PTPRZ1: variants seen among roughly 807,000 people sequenced by gnomAD.
PTPRZ1 encodes protein tyrosine phosphatase receptor type Z1.
In PTPRZ1, 82 loss-of-function variants were observed where a neutral mutation model predicts 214.1. That is an observed-to-expected ratio of 0.38 (90% CI 0.32 to 0.46). The LOEUF is 0.46. PTPRZ1 is among the 20% of genes least tolerant of loss of function. The pLI, the probability that PTPRZ1 is intolerant of heterozygous loss-of-function variation, is 1.00. For missense variants in PTPRZ1, 2,603 were observed against 2,748.7 expected, an observed-to-expected ratio of 0.95 and a Z score of 1.19; for synonymous variants, 945 against 987.9, an observed-to-expected ratio of 0.96 and a Z score of 0.81.
chr7:121,913,766 T>C (rs1162856463), intron 1 of PTPRZ1, among the ~76,000 whole-genome samples: 1 of 152,212 alleles, frequency 6.6e-6, no homozygotes, highest in Non-Finnish European at 1.5e-5. Context: ...GTATTGTCAG[T>C]AAAATAGAAT....
At chr7:121,894,733 A>G (rs1794737137) in intron 1 of PTPRZ1, among the ~76,000 whole-genome samples, 1 of 152,040 alleles carries the variant, frequency 6.6e-6, no homozygotes, top group Non-Finnish European at 1.5e-5. Context: ...CCATTCAATC[A>G]TTGCTCTTTT....
intron 1 of PTPRZ1, among the ~76,000 whole-genome samples, chr7:121,876,950 A>G (rs1794081017): frequency 6.6e-6 from 1 of 152,204 alleles, no homozygotes; most frequent in Non-Finnish European, 1.5e-5. Context: ...AGTACTGTCT[A>G]AAGTGAGAGA....
At chr7:121,887,163 C>T (rs1794421905) in intron 1 of PTPRZ1, among the ~76,000 whole-genome samples, 1 of 152,156 alleles carries the variant, frequency 6.6e-6, no homozygotes, top group African/African-American at 2.4e-5. Flanking sequence ...ATGACTGTAT[C>T]TTCAAGGAGT....
chr7:121,914,024 A>G (rs2116318774), intron 1 of PTPRZ1, among the ~76,000 whole-genome samples: 1 of 152,332 alleles, frequency 6.6e-6, no homozygotes, highest in East Asian at 1.9e-4. Flanking sequence ...TAAAAGAAAC[A>G]GAAACCTGGC....
At chr7:121,878,674 G>A (rs538034952) in intron 1 of PTPRZ1, among the ~76,000 whole-genome samples, 6 of 152,204 alleles carry the variant, frequency 3.9e-5, no homozygotes, top group African/African-American at 1.2e-4. Flanking sequence ...CCACTGTATT[G>A]TTTTTCAATT....
intron 13 of PTPRZ1, among the ~76,000 whole-genome samples, chr7:122,025,696 C>A (rs1799190315): frequency 6.6e-6 from 1 of 152,076 alleles, no homozygotes; most frequent in Non-Finnish European, 1.5e-5. Flanking sequence ...AAAGGAGAAG[C>A]TGTGGTGCTA....
chr7:121,966,826 G>T (rs562410509), intron 2 of PTPRZ1: 2 of 152,262 alleles, frequency 1.3e-5, no homozygotes, highest in South Asian at 4.1e-4. Context: ...AAAGAAGACA[G>T]TGTAGACTAG....
rs1435327510 is a variant in PTPRZ1 at position 122,053,993 on chromosome 7, C to G, written c.6336C>G (p.Asp2112Glu). 3.7e-6 allele frequency: 6 copies of G among 1,613,132 alleles called. No individual in the cohort carries two copies. In the African/African-American group the frequency reaches 6.7e-5, roughly 18 times the overall value. ...TIKDFWRMIW[D>E]HNAQLVVMIP... is the part of the protein sequence containing the mutation. ...AGGATTTCTGGAGGATGATATGGGA[C>G]CATAATGCCCAACTGGTGGTTATGA... The change falls in exon 26 of 30, where the codon GAC becomes GAG. Residue 2112 changes from aspartate (D) to glutamate (E), a missense_variant. Asp to Glu is a conservative substitution (Grantham distance 45). Transcript: ENST00000393386.
intron 10 of PTPRZ1, among the ~76,000 whole-genome samples, chr7:121,998,719 A>G (rs1389086374): frequency 6.6e-6 from 1 of 152,152 alleles, no homozygotes; most frequent in African/African-American, 2.4e-5. Context: ...TTGTTAGTGT[A>G]AGCAGTTTTA....
rs58135453 is a variant in PTPRZ1 at position 121,891,451 on chromosome 7, C to CTTTTTTTTTTTTTTTT, written c.58+17909_58+17924dup. On this transcript the variant is annotated intron_variant, in intron 1 of 29. Transcript: ENST00000393386. The stretch of plus-strand genomic sequence containing the variant: ...AAATATTTGTTGAATAAAACAACCT[C>CTTTTTTTTTTTTTTTT]TTTTTTTTTTTTTTTTTTTTTTTTT... Among the ~76,000 whole-genome samples the CTTTTTTTTTTTTTTTT allele has an allele frequency of 3.3e-3, 117 of 35,750 alleles. 2 individuals carry two copies. The highest frequency in any genetic ancestry group is 4.1e-3 in the Non-Finnish European group (80 of 19,372). 23.5% of individuals were successfully genotyped at this position (35,750 alleles called of 152,430 possible). A position where few individuals can be genotyped will look rare whatever the true frequency, so the allele number is the denominator to read the frequency against.
At chr7:121,973,747 A>T (rs1230116333) in intron 4 of PTPRZ1, among the ~76,000 whole-genome samples, 4 of 152,092 alleles carry the variant, frequency 2.6e-5, no homozygotes, top group Admixed American at 2.0e-4. Context: ...CAGCCTGGCC[A>T]ACATGGTGAA....
In PTPRZ1 at chr7:121,964,408, C is replaced by A. The variant is rs548843816; in HGVS notation, c.125-3543C>A. 2.0e-5 allele frequency among the ~76,000 whole-genome samples: 3 copies of A among 152,150 alleles called. No individual in the cohort carries two copies. In the South Asian group the frequency reaches 6.2e-4, roughly 32 times the overall value. On this transcript the variant is annotated intron_variant, in intron 2 of 29. Transcript: ENST00000393386. ...AATCAGAGTCAAGCGAAGGGGGAAG[C>A]CCCTTATAAAACCAGAAGATCTCAT...
At chr7:121,985,288 T>G (rs1797733921) in intron 8 of PTPRZ1, among the ~76,000 whole-genome samples, 1 of 152,158 alleles carries the variant, frequency 6.6e-6, no homozygotes, top group African/African-American at 2.4e-5. Flanking sequence ...AAAAAGAAAG[T>G]GGATTTAACC....
chr7:121,904,217 A>G (rs1343342954), intron 1 of PTPRZ1, among the ~76,000 whole-genome samples: 3 of 152,148 alleles, frequency 2.0e-5, no homozygotes, highest in Non-Finnish European at 4.4e-5. Flanking sequence ...CAAGTAGGGG[A>G]AAACAGAATG....
rs780527840 is a variant in PTPRZ1 at position 122,013,781 on chromosome 7, G to A, written c.4735G>A (p.Asp1579Asn). The change falls in exon 12 of 30, where the codon GAT becomes AAT. Residue 1579 changes from aspartate (D) to asparagine (N), a missense_variant. Around this residue, in one of 6 missense-constraint regions of PTPRZ1, gnomAD observed 1,913 missense variants for 1,914.3 expected, o/e 1.00. Coordinates refer to ENST00000393386, the MANE Select transcript of PTPRZ1 (RefSeq NM_002851.3). ...TGCAGACACTAATGAAAAAGATGCTGATGGGATCCTGGCAGCAGGTGACTC... is the reference window on the plus strand; with the variant it reads ...TGCAGACACTAATGAAAAAGATGCTAATGGGATCCTGGCAGCAGGTGACTC... The part of the protein sequence containing the change: ...SFADTNEKDA[D>N]GILAAGDSEI... The A allele has an allele frequency of 1.4e-5, 23 of 1,614,116 alleles. No individual in the cohort carries two copies.
chr7:121,915,574 A>C (rs542945082), intron 1 of PTPRZ1, among the ~76,000 whole-genome samples: 3 of 152,192 alleles, frequency 2.0e-5, no homozygotes, highest in African/African-American at 7.2e-5. Flanking sequence ...CTTGAATGAC[A>C]TATTAAAGAA....
chr7:122,027,480 A>G (rs1147500), intron 13 of PTPRZ1, among the ~76,000 whole-genome samples: 8,803 of 152,262 alleles, frequency 0.058, 428 homozygotes, highest in African/African-American at 0.13. Flanking sequence ...GTGTCACTAT[A>G]TAAGAACAAA....
At chr7:122,044,703 T>C (rs1241747774) in intron 23 of PTPRZ1, 135 bp downstream of exon 23, 25 of 903,126 alleles carry the variant, frequency 2.8e-5, no homozygotes, top group Non-Finnish European at 8.2e-6. Context: ...TCGTTGTTCC[T>C]TACTGTGGGC....
At chr7:121,967,923 T>C (rs1797092176) in intron 2 of PTPRZ1, 28 bp from the exon 3 acceptor site, 3 of 1,483,102 alleles carry the variant, frequency 2.0e-6, no homozygotes, top group Admixed American at 2.2e-5. Flanking sequence ...TTTAAGAAAC[T>C]AAATTTCTTA....
Sources: allele counts gnomAD v4.1 joint callset (sites outside exome capture counted in the v4.1 genomes callset), GRCh38; gene constraint gnomAD v4.1.1; regional missense constraint gnomAD v4.1.1; transcripts MANE v1.5; gene names NCBI Gene and HGNC (gene_info 2026-07-23, HGNC 2026-07-21).